LINGO2: variants seen among roughly 807,000 people sequenced by gnomAD.
LINGO2 encodes the protein leucine-rich repeat and immunoglobulin-like domain-containing nogo receptor-interacting protein 2.
Under a neutral mutation model 30.6 loss-of-function variants are expected in LINGO2, and 14 were observed. The observed-to-expected ratio is 0.46, with a 90% CI of 0.30 to 0.72. The LOEUF (loss-of-function observed/expected upper bound fraction) is 0.72. LINGO2 is among the 30% of genes least tolerant of loss of function. The pLI, the probability that LINGO2 is intolerant of heterozygous loss-of-function variation, is 0.07. For synonymous variants in LINGO2, 317 were observed against 288.5 expected, an observed-to-expected ratio of 1.10 and a Z score of -1.00; for missense variants, 729 against 751.7, an observed-to-expected ratio of 0.97 and a Z score of 0.35.
chr9:28,341,252 A>G (rs898869326), intron 3 of LINGO2, among the ~76,000 whole-genome samples: 1 of 152,150 alleles, frequency 6.6e-6, no homozygotes, highest in African/African-American at 2.4e-5. Context: ...ATATATGCTG[A>G]CAACAGTGAA....
At chr9:28,096,124 G>A (rs1266012859) in intron 4 of LINGO2, among the ~76,000 whole-genome samples, 1 of 152,110 alleles carries the variant, frequency 6.6e-6, no homozygotes, top group Non-Finnish European at 1.5e-5. Flanking sequence ...CTGAGTGACA[G>A]AGCAAGATCC....
intron 4 of LINGO2, among the ~76,000 whole-genome samples, chr9:28,024,005 C>T (rs1051204653): frequency 2.6e-5 from 4 of 152,128 alleles, no homozygotes; most frequent in Non-Finnish European, 1.5e-5. Flanking sequence ...TGTTTAGATT[C>T]TGGGATAGCA....
chr9:28,349,289 C>T (rs1200942919), intron 3 of LINGO2, among the ~76,000 whole-genome samples: 1,926 of 147,500 alleles, frequency 0.013, 25 homozygotes, highest in African/African-American at 0.046. Context: ...ATAACCAATA[C>T]AGAGAAGTGC....
At chr9:28,347,018 A>G (rs1233250921) in intron 3 of LINGO2, among the ~76,000 whole-genome samples, 4 of 152,150 alleles carry the variant, frequency 2.6e-5, no homozygotes, top group Non-Finnish European at 5.9e-5. Flanking sequence ...GCTGTACAGA[A>G]GCTCTAAAGT....
At chr9:28,132,366 A>C (rs1439936179) in intron 4 of LINGO2, among the ~76,000 whole-genome samples, 1 of 152,050 alleles carries the variant, frequency 6.6e-6, no homozygotes, top group East Asian at 1.9e-4. Flanking sequence ...ATGTCTAGAT[A>C]AAAACCTTTT....
rs181508267 is a variant in LINGO2 at position 28,521,263 on chromosome 9, C to T, written c.-364-45238G>A. ...ATAATTAAGAGGGCAGTAGAAACAT[C>T]GTCTCTGAAATTCAATAGATGATCT... On this transcript the variant is annotated intron_variant, in intron 1 of 5. Coordinates refer to ENST00000379992, the Ensembl canonical transcript of LINGO2. 8.4e-3 allele frequency among the ~76,000 whole-genome samples: 1,275 copies of T among 152,190 alleles called. 15 individuals carry two copies. Among genetic ancestry groups the T allele is most frequent in the Non-Finnish European group, 9.9e-3 (674 of 68,000 alleles).
At chr9:28,350,306 T>G (rs2134439291) in intron 3 of LINGO2, among the ~76,000 whole-genome samples, 1 of 142,572 alleles carries the variant, frequency 7.0e-6, no homozygotes, top group African/African-American at 2.6e-5. Context: ...TGGAGGAAGA[T>G]CTACCAAGCC....
At chr9:28,839,750 A>T in the LINGO2 span, among the ~76,000 whole-genome samples, 1 of 152,296 alleles carries the variant, frequency 6.6e-6, no homozygotes, top group South Asian at 2.1e-4. Context: ...CGTACGTGGC[A>T]GTCCGCCCCC....
At chr9:28,626,651 G>A (rs969109246) in intron 1 of LINGO2, among the ~76,000 whole-genome samples, 7 of 151,932 alleles carry the variant, frequency 4.6e-5, no homozygotes, top group Non-Finnish European at 8.8e-5. Flanking sequence ...GACTATTTCT[G>A]TATGGGTGTC....
the LINGO2 span, among the ~76,000 whole-genome samples, chr9:29,028,436 G>C: frequency 8.0e-5 from 12 of 149,310 alleles, no homozygotes; most frequent in Non-Finnish European, 1.5e-4. Context: ...GGGTGAGAGA[G>C]AGAGAGAGAG....
intron 4 of LINGO2, among the ~76,000 whole-genome samples, chr9:28,221,067 A>C (rs1820940828): frequency 6.6e-6 from 1 of 152,168 alleles, no homozygotes; most frequent in African/African-American, 2.4e-5. Context: ...TGGGAGGCTG[A>C]GGCGGGTGGA....
At chr9:28,049,262 A>G (rs1348255271) in intron 4 of LINGO2, among the ~76,000 whole-genome samples, 1 of 150,876 alleles carries the variant, frequency 6.6e-6, no homozygotes, top group Non-Finnish European at 1.5e-5. Context: ...ATATACAAGA[A>G]TAACCCAATA....
At chr9:28,561,780 T>C (rs1455450303) in intron 1 of LINGO2, among the ~76,000 whole-genome samples, 2 of 107,642 alleles carry the variant, frequency 1.9e-5, no homozygotes, top group Admixed American at 8.9e-5. Context: ...TATATATATA[T>C]AAAAAATATG....
chr9:28,707,524 G>C, the LINGO2 span, among the ~76,000 whole-genome samples: 1 of 152,138 alleles, frequency 6.6e-6, no homozygotes, highest in Non-Finnish European at 1.5e-5. Flanking sequence ...AACAAAACCT[G>C]AAATAAACCT....
intron 4 of LINGO2, among the ~76,000 whole-genome samples, chr9:28,036,560 T>TG (rs1367751803): frequency 6.6e-6 from 1 of 152,196 alleles, no homozygotes; most frequent in East Asian, 1.9e-4. Flanking sequence ...TAGGCAAATA[T>TG]GGTTTCCATC....
intron 3 of LINGO2, among the ~76,000 whole-genome samples, chr9:28,327,810 TA>T (rs757840132): frequency 4.0e-5 from 6 of 151,698 alleles, no homozygotes; most frequent in African/African-American, 1.5e-4. Context: ...CACTCATCAA[TA>T]AAAAAAGTCA....
chr9:28,245,540 C>T (rs1821966470), intron 4 of LINGO2, among the ~76,000 whole-genome samples: 1 of 152,122 alleles, frequency 6.6e-6, no homozygotes. Context: ...CGTGATCCTA[C>T]ACCTAGAGAA....
chr9:28,245,476 A>T (rs1332883960), intron 4 of LINGO2, among the ~76,000 whole-genome samples: 1 of 152,156 alleles, frequency 6.6e-6, no homozygotes, highest in Non-Finnish European at 1.5e-5. Context: ...GAGAAATAAA[A>T]AAAGGTTTTC....
At chr9:29,104,742 T>C in the LINGO2 span, among the ~76,000 whole-genome samples, 2 of 152,200 alleles carry the variant, frequency 1.3e-5, no homozygotes, top group African/African-American at 4.8e-5. Flanking sequence ...ATATTGTAGA[T>C]TAGTACTCTA....
Sources: gnomAD v4.1 joint callset for allele counts (sites outside exome capture counted in the v4.1 genomes callset) on GRCh38, gnomAD v4.1.1 for gene constraint, MANE v1.5 for transcripts, NCBI Gene and HGNC (gene_info 2026-07-23, HGNC 2026-07-21) for gene names.